The following ATP2B2 variants were observed in gnomAD, a reference collection of about 807,000 sequenced individuals.
ATP2B2 encodes the protein ATPase plasma membrane Ca2+ transporting 2, also known as plasma membrane calcium-transporting ATPase 2.
ATP2B2 carries 15 observed loss-of-function variants against 120.0 expected under a neutral mutation model. The ratio of observed to expected loss-of-function variants is 0.12; its 90% CI spans 0.08 to 0.19. The LOEUF is 0.19. Ranked by LOEUF, ATP2B2 falls within the 10% of genes least tolerant of loss-of-function variation. The pLI, the probability that ATP2B2 is intolerant of heterozygous loss-of-function variation, is 1.00. For missense variants in ATP2B2, 1,045 were observed against 1,719.8 expected (o/e 0.61, Z 6.94); for synonymous variants, 694 against 700.3 (o/e 0.99, Z 0.14).
At chr3:10,584,302 G>C (rs924304642) in intron 2 of ATP2B2, among the ~76,000 whole-genome samples, 2 of 152,176 alleles carry the variant, frequency 1.3e-5, no homozygotes, top group Non-Finnish European at 2.9e-5. Context: ...TTTCCTGCAA[G>C]GCAGCGGGAA....
At chr3:10,572,690 GCTCA>G (rs1172608337) in intron 2 of ATP2B2, among the ~76,000 whole-genome samples, 1 of 152,144 alleles carries the variant, frequency 6.6e-6, no homozygotes, top group Non-Finnish European at 1.5e-5. Flanking sequence ...TGCCCCCACT[GCTCA>G]CTTCCTCCAG....
chr3:10,614,568 C>G (rs183830713), intron 2 of ATP2B2, among the ~76,000 whole-genome samples: 17 of 152,252 alleles, frequency 1.1e-4, no homozygotes, highest in Admixed American at 9.8e-4. Context: ...ATTGCAGTCT[C>G]GTGACTTGGG....
At chr3:10,660,500 G>A (rs2070752066) in intron 1 of ATP2B2, among the ~76,000 whole-genome samples, 1 of 152,156 alleles carries the variant, frequency 6.6e-6, no homozygotes, top group East Asian at 1.9e-4. Flanking sequence ...AAATCTAGAA[G>A]AAATGGATAA....
At chr3:10,687,857 A>G (rs2071561394) in intron 1 of ATP2B2, among the ~76,000 whole-genome samples, 1 of 152,082 alleles carries the variant, frequency 6.6e-6, no homozygotes, top group African/African-American at 2.4e-5. Flanking sequence ...TGAGACTCTG[A>G]CTCAAAAAAA....
chr3:10,465,124 T>A (rs1178798241), intron 1 of ATP2B2, among the ~76,000 whole-genome samples: 1 of 152,170 alleles, frequency 6.6e-6, no homozygotes, highest in Non-Finnish European at 1.5e-5. Context: ...CCAAGCCTCC[T>A]CTCCCCTGAG....
intron 1 of ATP2B2, among the ~76,000 whole-genome samples, chr3:10,676,924 G>A (rs1302159337): frequency 6.6e-6 from 1 of 152,224 alleles, no homozygotes; most frequent in African/African-American, 2.4e-5. Flanking sequence ...ATGCTGGTGA[G>A]GAGGTAGAGC....
chr3:10,648,128 G>A (rs1260287245), intron 1 of ATP2B2, among the ~76,000 whole-genome samples: 1 of 152,164 alleles, frequency 6.6e-6, no homozygotes, highest in Non-Finnish European at 1.5e-5. Flanking sequence ...ATCAGCCTGA[G>A]GGTTGCCGGC....
intron 1 of ATP2B2, among the ~76,000 whole-genome samples, chr3:10,686,611 G>T (rs1198307311): frequency 1.3e-5 from 2 of 151,796 alleles, no homozygotes; most frequent in Non-Finnish European, 2.9e-5. Flanking sequence ...CCAAGATCAT[G>T]CCACTGCACT....
At chr3:10,369,538 A>G (rs1415407262) in intron 12 of ATP2B2, among the ~76,000 whole-genome samples, 1 of 152,132 alleles carries the variant, frequency 6.6e-6, no homozygotes, top group Non-Finnish European at 1.5e-5. Context: ...TTCCCTCTCT[A>G]GCCCTGATGT....
intron 1 of ATP2B2, among the ~76,000 whole-genome samples, chr3:10,481,882 C>A (rs1011409922): frequency 1.3e-5 from 2 of 152,204 alleles, no homozygotes; most frequent in African/African-American, 4.8e-5. Context: ...ATAACACTTA[C>A]ACCCACTATG....
chr3:10,697,115 C>T (rs986886796), intron 1 of ATP2B2, among the ~76,000 whole-genome samples: 1 of 152,194 alleles, frequency 6.6e-6, no homozygotes, highest in Admixed American at 6.5e-5. Context: ...CATGGCTCCT[C>T]AAGCCCACCC....
At chr3:10,397,875 G>A (rs181695648) in intron 5 of ATP2B2, among the ~76,000 whole-genome samples, 1 of 152,170 alleles carries the variant, frequency 6.6e-6, no homozygotes, top group South Asian at 2.1e-4. Context: ...TCTGATAATG[G>A]TCCCAACTGT....
intron 12 of ATP2B2, among the ~76,000 whole-genome samples, chr3:10,366,685 G>A (rs1204631782): frequency 6.6e-6 from 1 of 152,194 alleles, no homozygotes; most frequent in African/African-American, 2.4e-5. Flanking sequence ...ACAGGGGGAT[G>A]TTTTCCCAAG....
At chr3:10,685,938 G>T (rs9835314) in intron 1 of ATP2B2, among the ~76,000 whole-genome samples, 55,575 of 151,918 alleles carry the variant, frequency 0.37, 12,942 homozygotes, top group African/African-American at 0.67. Context: ...TTGCAGCAGG[G>T]GTGACTGTTT....
chr3:10,483,213 C>A (rs999034977), intron 1 of ATP2B2, among the ~76,000 whole-genome samples: 2 of 152,194 alleles, frequency 1.3e-5, no homozygotes, highest in African/African-American at 4.8e-5. Context: ...TTATTTCAGG[C>A]CAACTGGTAG....
chr3:10,694,331 C>T (rs1052718807), intron 1 of ATP2B2, among the ~76,000 whole-genome samples: 6 of 152,242 alleles, frequency 3.9e-5, no homozygotes, highest in South Asian at 2.1e-4. Context: ...CTCTCTCCCC[C>T]ATCCCTAACC....
chr3:10,704,341 C>A (rs184516242), intron 1 of ATP2B2, among the ~76,000 whole-genome samples: 5 of 152,320 alleles, frequency 3.3e-5, no homozygotes, highest in African/African-American at 1.2e-4. Flanking sequence ...TTTCTCTTCT[C>A]TCTGCCCTAT....
intron 1 of ATP2B2, among the ~76,000 whole-genome samples, chr3:10,676,692 C>G (rs1244853739): frequency 6.6e-6 from 1 of 152,114 alleles, no homozygotes; most frequent in Non-Finnish European, 1.5e-5. Context: ...GAAAGTCCTC[C>G]CTAAGGGGGA....
intron 1 of ATP2B2, among the ~76,000 whole-genome samples, chr3:10,465,017 C>T (rs1458898486): frequency 6.6e-6 from 1 of 152,232 alleles, no homozygotes; most frequent in Non-Finnish European, 1.5e-5. Context: ...CAAATTTTCC[C>T]TGAGTGCCAG....
Sources: allele counts gnomAD v4.1 joint callset (sites outside exome capture counted in the v4.1 genomes callset), GRCh38; gene constraint gnomAD v4.1.1; transcripts MANE v1.5; gene names NCBI Gene and HGNC (gene_info 2026-07-23, HGNC 2026-07-21).